MLX: variants seen among roughly 807,000 people sequenced by gnomAD.
The protein encoded by MLX is max-like protein X.
MLX carries 15 observed loss-of-function variants against 33.0 expected under a neutral mutation model. The ratio of observed to expected loss-of-function variants is 0.45; its 90% CI spans 0.30 to 0.70. MLX has a LOEUF of 0.70. MLX is among the 30% of genes least tolerant of loss of function. The pLI is 0.07. For missense variants in MLX, 285 were observed against 306.3 expected (o/e 0.93, Z 0.52); for synonymous variants, 115 against 115.6 (o/e 0.99, Z 0.03).
intron 1 of MLX, 140 bp downstream of exon 1, chr17:42,567,306 G>A (rs367550767): frequency 4.3e-6 from 6 of 1,388,802 alleles, no homozygotes; most frequent in Non-Finnish European, 5.6e-6. Flanking sequence ...AGAGAAGACA[G>A]CTCTCACCCC....
chr17:42,567,538 G>C, intron 1 of MLX, 81 bp from the exon 2 acceptor site: 1 of 1,600,836 alleles, frequency 6.2e-7, no homozygotes, highest in Non-Finnish European at 8.5e-7. Flanking sequence ...TGGGGGGCGC[G>C]CTGTGCGTGC....
intron 2 of MLX, 147 bp from the exon 3 acceptor site, chr17:42,568,323 A>G: frequency 2.1e-6 from 1 of 484,436 alleles, no homozygotes; most frequent in East Asian, 4.2e-5. Flanking sequence ...AGATCGCGCC[A>G]CTGCACTCTA....
At position 42,572,343 on chromosome 17, in the gene MLX, C is replaced by T. The variant is rs1424548791; in HGVS notation, c.*740C>T. 3 of 454,212 alleles carry T rather than the reference C, an allele frequency of 6.6e-6. No homozygotes were observed. The highest frequency in any genetic ancestry group is 1.3e-5 in the Non-Finnish European group (3 of 226,688). The allele number at this position is 454,212 out of a possible 1,614,324, so 28.1% of individuals were successfully genotyped here. A position where few individuals can be genotyped will look rare whatever the true frequency, so the allele number is the denominator to read the frequency against. On this transcript the variant is annotated 3_prime_UTR_variant, in exon 8 of 8. Transcript: ENST00000435881. ...GGAAATTTTTTATTTTTCTAAATACCAATGCAGTTTTGCTACGGTTACAAT... is the reference window on the plus strand; with the variant it reads ...GGAAATTTTTTATTTTTCTAAATACTAATGCAGTTTTGCTACGGTTACAAT...
At position 42,572,511 on chromosome 17, in the gene MLX, G is replaced by C; in HGVS notation, c.*908G>C. ...CAAAAGATACTTAAAAGGGCTCCTG[G>C]GGTACACAAGCCCAGCAGGTCCTGA... On this transcript the variant is annotated 3_prime_UTR_variant, in exon 8 of 8. Coordinates refer to ENST00000435881, the MANE Select transcript of MLX (RefSeq NM_198204.2). 4.4e-6 allele frequency: 2 copies of C among 454,370 alleles called. No individual in the cohort carries two copies. The highest frequency in any genetic ancestry group is 8.8e-6 in the Non-Finnish European group (2 of 226,718). 28.1% of individuals were successfully genotyped at this position (454,370 alleles called of 1,614,324 possible).
rs1181396576 is a variant in MLX at position 42,572,153 on chromosome 17, G to A, written c.*550G>A. On this transcript the variant is annotated 3_prime_UTR_variant, in exon 8 of 8. Transcript: ENST00000435881. Reference sequence around the variant, plus strand: ...GGCTGCCTGGTCAGTCCCAGGTGAGGCCAAGGGCTTTCTGGCCATCTCAGG... The same window carrying A: ...GGCTGCCTGGTCAGTCCCAGGTGAGACCAAGGGCTTTCTGGCCATCTCAGG... The A allele has an allele frequency of 8.7e-6, 3 of 344,900 alleles. No homozygotes were observed. Among genetic ancestry groups the A allele is most frequent in the Non-Finnish European group, 1.7e-5 (3 of 177,200 alleles). 21.4% of individuals were successfully genotyped at this position (344,900 alleles called of 1,614,324 possible).
chr17:42,567,647 T>G lies in MLX; in HGVS notation c.71T>G (p.Leu24Arg), dbSNP rs1278207268. The G allele has an allele frequency of 1.2e-5, 19 of 1,613,960 alleles. No homozygotes were observed. In the East Asian group the frequency reaches 4.0e-4, roughly 34 times the overall value. ...GAGTATGCCTACAGCGACAACAGCC[T>G]GGACCCCGGTGAGTAGCTGCCCCAT... ...KVEYAYSDNS[L>R]DPGLFVESTR... is the part of the protein sequence containing the mutation. Residue 24 changes from leucine to arginine, a missense_variant, in exon 2 of 8, where the codon CTG becomes CGG. Coordinates refer to ENST00000435881, the MANE Select transcript of MLX (RefSeq NM_198204.2).
chr17:42,570,661 AT>A (rs900261098), intron 7 of MLX, among the ~76,000 whole-genome samples: 18 of 147,902 alleles, frequency 1.2e-4, no homozygotes, highest in East Asian at 2.0e-4. Context: ...GTTTCTCAAC[AT>A]TTTTTTTTTT....
rs978814282 is a variant in MLX at position 42,571,768 on chromosome 17, C to T, written c.*165C>T. ...AGCCCCATTTTATCTTCAGCGGAGCCGCGGTGTTTGTTTTGTGAAAGCTTC... is the reference window on the plus strand; with the variant it reads ...AGCCCCATTTTATCTTCAGCGGAGCTGCGGTGTTTGTTTTGTGAAAGCTTC... On this transcript the variant is annotated 3_prime_UTR_variant, in exon 8 of 8. Transcript: ENST00000435881. The T allele has an allele frequency of 2.6e-4, 175 of 664,842 alleles. 2 individuals are homozygous for T. The highest frequency in any genetic ancestry group is 1.1e-3 in the East Asian group (40 of 37,440). The allele number at this position is 664,842 out of a possible 1,614,324, so 41.2% of individuals were successfully genotyped here.
intron 2 of MLX, 63 bp from the exon 3 acceptor site, chr17:42,568,407 T>G: frequency 9.2e-7 from 1 of 1,084,628 alleles, no homozygotes; most frequent in East Asian, 2.4e-5. Flanking sequence ...GTCCTACAGG[T>G]GTCTGAGGGT....
rs1338386800 is a variant in MLX at position 42,573,028 on chromosome 17, TGAGACAGG to T, written c.*1432_*1439del. The T allele has an allele frequency of 6.2e-7, 1 of 1,614,088 alleles. No individual in the cohort carries two copies. Among genetic ancestry groups the T allele is most frequent in the Non-Finnish European group, 8.5e-7 (1 of 1,180,050 alleles). ...CCGTCTCTATCCCAACTTCCTCCTG[TGAGACAGG>T]GAGACAAGTGAATGAGATGTCACCA... On this transcript the variant is annotated 3_prime_UTR_variant, in exon 8 of 8. Coordinates refer to ENST00000435881, the MANE Select transcript of MLX (RefSeq NM_198204.2).
chr17:42,568,784 G>A (rs548570609), intron 3 of MLX, 53 bp from the exon 4 acceptor site: 43 of 1,480,374 alleles, frequency 2.9e-5, no homozygotes, highest in Non-Finnish European at 3.8e-5. Context: ...TGGGCTAGCT[G>A]GACCCCACTG....
Position 42,570,166 on chromosome 17 carries a change from G to C in MLX, c.661G>C (p.Glu221Gln), listed in dbSNP as rs201627294. ...LSACVFSWIE[E>Q]HCKPQTLREI... ...AGCGTGTGTCTTCAGCTGGATCGAG[G>C]AGCACTGTAAGCCTCAGGTATGGGG... The change falls in exon 7 of 8, where the codon GAG (glutamate) becomes CAG (glutamine). Residue 221 changes from glutamate to glutamine, a missense_variant. Coordinates refer to ENST00000435881, the MANE Select transcript of MLX (RefSeq NM_198204.2). 2.5e-6 allele frequency: 4 copies of C among 1,613,820 alleles called. No homozygotes were observed. The highest frequency in any genetic ancestry group is 1.7e-5 in the Admixed American group (1 of 60,008).
At chr17:42,569,037 C>G in intron 4 of MLX, 94 bp downstream of exon 4, 1 of 1,363,846 alleles carries the variant, frequency 7.3e-7, no homozygotes, top group African/African-American at 1.4e-5. Flanking sequence ...TCCCAGGCAC[C>G]CTAGGGGGTG....
At position 42,567,636 on chromosome 17, in the gene MLX, C is replaced by T; in HGVS notation, c.60C>T (p.Ser20=). Residue 20 remains serine, a synonymous_variant, in exon 2 of 8, where the codon AGC becomes AGT. Coordinates refer to ENST00000435881, the MANE Select transcript of MLX (RefSeq NM_198204.2). ...DPWVKVEYAY[S]DNSLDPGLFV... Reference sequence around the variant, plus strand: ...TGCCGCAGGTGGAGTATGCCTACAGCGACAACAGCCTGGACCCCGGTGAGT... The same window carrying T: ...TGCCGCAGGTGGAGTATGCCTACAGTGACAACAGCCTGGACCCCGGTGAGT... 5 of 1,614,066 alleles carry T rather than the reference C, an allele frequency of 3.1e-6. No individual in the cohort carries two copies. Among genetic ancestry groups the T allele is most frequent in the Non-Finnish European group, 4.2e-6 (5 of 1,179,994 alleles).
chr17:42,569,222 C>G lies in MLX; in HGVS notation c.295C>G (p.Gln99Glu). The change falls in exon 5 of 8, where the codon CAG (glutamine) becomes GAG (glutamate). Residue 99 changes from glutamine (Q) to glutamate (E), a missense_variant. Physicochemically the swap from Gln to Glu is conservative, Grantham distance 29 (BLOSUM62 2). Coordinates refer to ENST00000435881, the MANE Select transcript of MLX (RefSeq NM_198204.2). The part of the protein sequence containing the change: ...DAIKRGYDDL[Q>E]TIVPTCQQQD... ...TCCACAGAGAGGCTATGATGACCTT[C>G]AGACCATCGTCCCCACTTGCCAGCA... is the stretch of plus-strand genomic sequence containing the variant. The G allele has an allele frequency of 6.2e-7, 1 of 1,614,132 alleles. No individual in the cohort carries two copies. The highest frequency in any genetic ancestry group is 8.5e-7 in the Non-Finnish European group (1 of 1,180,008).
At position 42,572,161 on chromosome 17, in the gene MLX, C is replaced by T; in HGVS notation, c.*558C>T. ...GGTCAGTCCCAGGTGAGGCCAAGGG[C>T]TTTCTGGCCATCTCAGGGAGGGGCC... On this transcript the variant is annotated 3_prime_UTR_variant, in exon 8 of 8. Coordinates refer to ENST00000435881, the MANE Select transcript of MLX (RefSeq NM_198204.2). 1 of 345,760 alleles carries T rather than the reference C, an allele frequency of 2.9e-6. No homozygotes were observed. The highest frequency in any genetic ancestry group is 2.3e-5 in the South Asian group (1 of 43,226). 21.4% of individuals were successfully genotyped at this position (345,760 alleles called of 1,614,324 possible).
intron 6 of MLX, 79 bp from the exon 7 acceptor site, chr17:42,569,903 G>A (rs1254275371): frequency 2.2e-6 from 3 of 1,357,446 alleles, no homozygotes; most frequent in East Asian, 2.3e-5. Context: ...ATTCCTGGGA[G>A]TACACAGGAT....
chr17:42,570,708 T>G (rs2093027603), intron 7 of MLX, among the ~76,000 whole-genome samples: 1 of 152,028 alleles, frequency 6.6e-6, no homozygotes, highest in Non-Finnish European at 1.5e-5. Flanking sequence ...CAGGCTGGAG[T>G]GCAGTGGCAC....
At position 42,571,807 on chromosome 17, in the gene MLX, AT is replaced by A; in HGVS notation, c.*205del. 1.7e-6 allele frequency: 1 copy of A among 585,628 alleles called. No individual in the cohort carries two copies. The highest frequency in any genetic ancestry group is 3.0e-5 in the Admixed American group (1 of 33,338). 36.3% of individuals were successfully genotyped at this position (585,628 alleles called of 1,614,324 possible). A position where few individuals can be genotyped will look rare whatever the true frequency, so the allele number is the denominator to read the frequency against. ...TGTGAAAGCTTCTGATTAATTTATT[AT>A]ATTGACGATAAAACTCAAACCTACC... On this transcript the variant is annotated 3_prime_UTR_variant, in exon 8 of 8. Coordinates refer to ENST00000435881, the MANE Select transcript of MLX (RefSeq NM_198204.2).
Sources: gnomAD v4.1 joint callset for allele counts (sites outside exome capture counted in the v4.1 genomes callset) on GRCh38, gnomAD v4.1.1 for gene constraint, MANE v1.5 for transcripts, NCBI Gene and HGNC (gene_info 2026-07-23, HGNC 2026-07-21) for gene names.